Variants in CILK1 observed in about 807,000 individuals in gnomAD.
The protein encoded by CILK1 is ciliogenesis associated kinase 1, also known as serine/threonine-protein kinase ICK.
In CILK1, 47 loss-of-function variants were observed where a neutral mutation model predicts 79.2. The observed-to-expected ratio is 0.59, with a 90% CI of 0.47 to 0.76. The LOEUF is 0.76. Among genes scored for constraint, CILK1 ranks in the 30% least tolerant of loss-of-function variants. The pLI is 0.00. For missense variants in CILK1, 660 were observed against 769.5 expected, an observed-to-expected ratio of 0.86 and a Z score of 1.68; for synonymous variants, 266 against 275.9, an observed-to-expected ratio of 0.96 and a Z score of 0.36.
chr6:53,038,223 C>T (rs945370157), intron 2 of CILK1, among the ~76,000 whole-genome samples: 3 of 152,100 alleles, frequency 2.0e-5, no homozygotes, highest in African/African-American at 7.2e-5. Flanking sequence ...CCAAAGAGGC[C>T]TGGACTGCTG....
chr6:53,033,485 C>T (rs1243555351), intron 3 of CILK1, among the ~76,000 whole-genome samples: 2 of 152,124 alleles, frequency 1.3e-5, no homozygotes, highest in Non-Finnish European at 2.9e-5. Context: ...TATTAGTAAG[C>T]AGCATCCCTC....
intron 3 of CILK1, among the ~76,000 whole-genome samples, chr6:53,036,361 A>G (rs1418588638): frequency 1.3e-5 from 2 of 152,156 alleles, no homozygotes; most frequent in African/African-American, 4.8e-5. Context: ...ACTATGTCCC[A>G]TGGGTGAAAT....
intron 1 of CILK1, among the ~76,000 whole-genome samples, chr6:53,055,754 C>G (rs551234524): frequency 6.6e-6 from 1 of 152,106 alleles, no homozygotes; most frequent in East Asian, 1.9e-4. Context: ...AAGGTGCTCA[C>G]GCCTTGAACC....
At position 53,005,340 on chromosome 6, in the gene CILK1, G is replaced by A. The variant is rs1764159073; in HGVS notation, c.1745-37C>T. Reference sequence around the variant, plus strand: ...GAAAAAGGCCGGCATGACTGATATGGGGCCAATGTAAGCAAAGTACAAATA... The same window carrying A: ...GAAAAAGGCCGGCATGACTGATATGAGGCCAATGTAAGCAAAGTACAAATA... On this transcript the variant is annotated intron_variant, in intron 13 of 13. Coordinates refer to ENST00000676107, the MANE Select transcript of CILK1 (RefSeq NM_014920.5). 2 of 1,611,662 alleles carry A rather than the reference G, an allele frequency of 1.2e-6. 1 individual carries two copies. The highest frequency in any genetic ancestry group is 2.2e-5 in the South Asian group (2 of 90,952).
intron 1 of CILK1, chr6:53,060,984 G>A (rs916563381): frequency 6.6e-6 from 1 of 152,204 alleles, no homozygotes; most frequent in African/African-American, 2.4e-5. Context: ...AATTCCCTCA[G>A]CCTAGCACAG....
At chr6:53,037,289 G>A (rs543677692) in intron 3 of CILK1, among the ~76,000 whole-genome samples, 1 of 152,028 alleles carries the variant, frequency 6.6e-6, no homozygotes, top group Non-Finnish European at 1.5e-5. Flanking sequence ...GGAGAATAAT[G>A]AATCCCAGGG....
intron 1 of CILK1, among the ~76,000 whole-genome samples, chr6:53,055,688 G>A (rs1045061280): frequency 2.0e-5 from 3 of 152,018 alleles, no homozygotes; most frequent in African/African-American, 7.3e-5. Flanking sequence ...CCTGCACTAG[G>A]TCCTTAATCC....
chr6:53,024,382 T>C (rs1368290377), intron 5 of CILK1, among the ~76,000 whole-genome samples: 1 of 152,256 alleles, frequency 6.6e-6, no homozygotes, highest in Non-Finnish European at 1.5e-5. Context: ...TAGATGCTTA[T>C]GATCAGCCTA....
At chr6:53,045,102 C>T (rs1766972522) in intron 1 of CILK1, among the ~76,000 whole-genome samples, 1 of 152,092 alleles carries the variant, frequency 6.6e-6, no homozygotes, top group Non-Finnish European at 1.5e-5. Flanking sequence ...AAGATACAGG[C>T]ATCTTAAATG....
At chr6:53,052,592 G>T (rs554843745) in intron 1 of CILK1, among the ~76,000 whole-genome samples, 1 of 151,932 alleles carries the variant, frequency 6.6e-6, no homozygotes, top group Non-Finnish European at 1.5e-5. Context: ...TTAACCAGGC[G>T]TGGTGGTGTA....
At chr6:53,029,676 G>A (rs528548674) in intron 5 of CILK1, among the ~76,000 whole-genome samples, 8 of 152,126 alleles carry the variant, frequency 5.3e-5, no homozygotes, top group Admixed American at 1.3e-4. Flanking sequence ...AGGATCGCTA[G>A]AGCCCAGGAG....
chr6:53,010,531 A>C (rs34285687), intron 11 of CILK1, among the ~76,000 whole-genome samples: 10,904 of 152,258 alleles, frequency 0.072, 475 homozygotes, highest in Non-Finnish European at 0.093. Flanking sequence ...ATTTCTTACA[A>C]GGCCCCAAAA....
chr6:53,061,267 C>A (rs751381036), intron 1 of CILK1, among the ~76,000 whole-genome samples: 1 of 152,144 alleles, frequency 6.6e-6, no homozygotes, highest in African/African-American at 2.4e-5. Context: ...TGCTCAGACC[C>A]CTTGTGGGAC....
intron 1 of CILK1, among the ~76,000 whole-genome samples, chr6:53,050,314 C>G (rs1767390597): frequency 6.6e-6 from 1 of 151,736 alleles, no homozygotes; most frequent in Non-Finnish European, 1.5e-5. Context: ...TCCATTGAGA[C>G]CTCACTCCAC....
At chr6:53,044,265 G>A (rs1475642396) in intron 1 of CILK1, among the ~76,000 whole-genome samples, 2 of 152,068 alleles carry the variant, frequency 1.3e-5, no homozygotes, top group Middle Eastern at 3.2e-3. Context: ...AGCAGCGGCG[G>A]CATTAGATTC....
chr6:53,044,264 G>A (rs569529255), intron 1 of CILK1, among the ~76,000 whole-genome samples: 5 of 152,002 alleles, frequency 3.3e-5, no homozygotes, highest in East Asian at 1.9e-4. Context: ...CAGCAGCGGC[G>A]GCATTAGATT....
Position 53,013,722 on chromosome 6 carries a change from G to C in CILK1, c.1092C>G (p.Leu364=). 6.2e-7 allele frequency: 1 copy of C among 1,614,186 alleles called. No individual in the cohort carries two copies. The highest frequency in any genetic ancestry group is 8.5e-7 in the Non-Finnish European group (1 of 1,180,024). The change falls in exon 9 of 14, where the codon CTC becomes CTG. Residue 364 remains leucine, a synonymous_variant. Transcript: ENST00000676107. ...GCAACGGGCTTGGCTTGTCCTCCTG[G>C]AGATGGCTTGGGTGATCTGTCCTGG... The part of the protein sequence containing the change: ...EVSRTDHPSH[L]QEDKPSPLLF...
intron 13 of CILK1, 103 bp from the exon 14 acceptor site, chr6:53,005,406 C>T: frequency 8.0e-7 from 1 of 1,247,150 alleles, no homozygotes; most frequent in Non-Finnish European, 1.2e-6. Flanking sequence ...ATAAGGAGTT[C>T]AAGAGGAGCA....
chr6:53,020,557 A>G (rs1238607614), intron 5 of CILK1, among the ~76,000 whole-genome samples: 1 of 152,238 alleles, frequency 6.6e-6, no homozygotes, highest in Non-Finnish European at 1.5e-5. Context: ...TTACTGCAGC[A>G]TTTTGGATTT....
Sources: gnomAD v4.1 joint callset for allele counts (sites outside exome capture counted in the v4.1 genomes callset) on GRCh38, gnomAD v4.1.1 for gene constraint, MANE v1.5 for transcripts, NCBI Gene and HGNC (gene_info 2026-07-23, HGNC 2026-07-21) for gene names.